MSRA: variants seen among roughly 807,000 people sequenced by gnomAD.
MSRA encodes mitochondrial peptide methionine sulfoxide reductase.
A neutral mutation model predicts 31.3 loss-of-function variants in MSRA; 54 were observed. The observed-to-expected ratio is 1.73, with a 90% CI of 1.39 to 2.17. The LOEUF (loss-of-function observed/expected upper bound fraction) is 2.17, where lower values mean the gene tolerates loss of function less well. Among genes scored for constraint, MSRA ranks in the 30% most tolerant of loss-of-function variants. The pLI, the probability that MSRA is intolerant of heterozygous loss-of-function variation, is 0.00. For synonymous variants in MSRA, 169 were observed against 116.5 expected (o/e 1.45, Z -2.90); for missense variants, 507 against 300.9 (o/e 1.69, Z -5.07).
At chr8:10,218,754 TAACAAGGG>T (rs1426998846) in intron 2 of MSRA, among the ~76,000 whole-genome samples, 1 of 152,250 alleles carries the variant, frequency 6.6e-6, no homozygotes, top group East Asian at 1.9e-4. Flanking sequence ...AAAAGCCATT[TAACAAGGG>T]ATAGAAACTG....
chr8:10,393,564 C>T (rs546472594), intron 5 of MSRA, among the ~76,000 whole-genome samples: 12 of 152,276 alleles, frequency 7.9e-5, no homozygotes, highest in East Asian at 7.7e-4. Flanking sequence ...TGCAGCTGGA[C>T]GGCTGCCTGG....
intron 1 of MSRA, among the ~76,000 whole-genome samples, chr8:10,180,140 T>A (rs1296564161): frequency 1.3e-5 from 2 of 152,200 alleles, no homozygotes; most frequent in Non-Finnish European, 2.9e-5. Context: ...CACCTGCACT[T>A]CTCTCTGACT....
In MSRA at chr8:10,177,679, G is replaced by A. The variant is rs185037885; in HGVS notation, c.143-30154G>A. ...AATTTAAGATCTTTTTGATCACAAA[G>A]TTCTCAGCTTACATCTGGTTATTTG... On this transcript the variant is annotated intron_variant, in intron 1 of 5. Coordinates refer to ENST00000317173, the MANE Select transcript of MSRA (RefSeq NM_012331.5). Among the ~76,000 whole-genome samples the A allele has an allele frequency of 7.4e-4, 113 of 152,292 alleles. No individual in the cohort carries two copies. The Middle Eastern group carries it at 0.02, about 28-fold the overall frequency.
intron 1 of MSRA, among the ~76,000 whole-genome samples, chr8:10,204,927 C>T (rs1348415421): frequency 6.6e-6 from 1 of 152,192 alleles, no homozygotes; most frequent in African/African-American, 2.4e-5. Flanking sequence ...TAGATGCAGT[C>T]CCTGTACAAA....
At chr8:10,268,459 G>T (rs1798859514) in intron 3 of MSRA, among the ~76,000 whole-genome samples, 1 of 152,182 alleles carries the variant, frequency 6.6e-6, no homozygotes, top group Non-Finnish European at 1.5e-5. Flanking sequence ...CGAGGTTAGG[G>T]TGGGGCATTC....
At chr8:10,256,366 C>G (rs1043036389) in intron 3 of MSRA, among the ~76,000 whole-genome samples, 1 of 152,222 alleles carries the variant, frequency 6.6e-6, no homozygotes, top group South Asian at 2.1e-4. Context: ...CTTGTCTATT[C>G]CCCTGCCGAA....
chr8:10,251,512 TC>T lies in MSRA; in HGVS notation c.331+6290del. Among the ~76,000 whole-genome samples, 6 of 152,368 alleles carry T rather than the reference TC, an allele frequency of 3.9e-5. 1 individual carries two copies. The Middle Eastern group carries it at 0.02, about 518-fold the overall frequency. Reference sequence around the variant, plus strand: ...TCAGTTCTTGCTACAAGCAATTTGATCGCTTTTTATTCCTCTTATTTTAGGC... The same window carrying T: ...TCAGTTCTTGCTACAAGCAATTTGATGCTTTTTATTCCTCTTATTTTAGGC... On this transcript the variant is annotated intron_variant, in intron 3 of 5. Coordinates refer to ENST00000317173, the MANE Select transcript of MSRA (RefSeq NM_012331.5).
At chr8:10,171,247 TTG>T (rs1805561049) in intron 1 of MSRA, among the ~76,000 whole-genome samples, 1 of 152,198 alleles carries the variant, frequency 6.6e-6, no homozygotes, top group Non-Finnish European at 1.5e-5. Context: ...TAGAAATACT[TTG>T]TCTTTCTCTT....
chr8:10,410,250 A>G (rs1288119255), intron 5 of MSRA, among the ~76,000 whole-genome samples: 6 of 152,132 alleles, frequency 3.9e-5, no homozygotes, highest in African/African-American at 7.2e-5. Flanking sequence ...TCTCGTATGG[A>G]AAGTCTGCCA....
At chr8:10,200,996 G>T (rs746099786) in intron 1 of MSRA, among the ~76,000 whole-genome samples, 2 of 152,136 alleles carry the variant, frequency 1.3e-5, no homozygotes, top group Non-Finnish European at 2.9e-5. Flanking sequence ...GGGCTTGTGG[G>T]CCACATAGGA....
At chr8:10,067,281 C>T (rs1303987085) in intron 1 of MSRA, among the ~76,000 whole-genome samples, 1 of 152,108 alleles carries the variant, frequency 6.6e-6, no homozygotes, top group Non-Finnish European at 1.5e-5. Context: ...TAGTATATAG[C>T]CTTTTCGGTT....
At chr8:10,159,602 A>G (rs1804465608) in intron 1 of MSRA, among the ~76,000 whole-genome samples, 1 of 152,250 alleles carries the variant, frequency 6.6e-6, no homozygotes, top group African/African-American at 2.4e-5. Context: ...AATTTGTTGC[A>G]GGATAACATC....
intron 5 of MSRA, among the ~76,000 whole-genome samples, chr8:10,399,404 C>G (rs1807302222): frequency 6.6e-6 from 1 of 152,210 alleles, no homozygotes; most frequent in South Asian, 2.1e-4. Flanking sequence ...CAGATCCCTC[C>G]TGAATGGCTT....
At chr8:10,103,142 T>C (rs1160657911) in intron 1 of MSRA, among the ~76,000 whole-genome samples, 1 of 152,226 alleles carries the variant, frequency 6.6e-6, no homozygotes, top group African/African-American at 2.4e-5. Context: ...GAGAATACGC[T>C]ACCTGGGTAA....
intron 1 of MSRA, among the ~76,000 whole-genome samples, chr8:10,157,182 T>G (rs916178214): frequency 1.3e-5 from 2 of 152,172 alleles, no homozygotes; most frequent in East Asian, 3.9e-4. Flanking sequence ...TTACATAGTT[T>G]CTAATGGGAT....
chr8:10,113,287 G>GTTTTTTTTTTTTT (rs1412167930), intron 1 of MSRA, among the ~76,000 whole-genome samples: 6 of 6,288 alleles, frequency 9.5e-4, no homozygotes, highest in Non-Finnish European at 1.1e-3. Context: ...GTGAAGACAG[G>GTTTTTTTTTTTTT]TCTTCTTTTT....
chr8:10,142,838 C>A (rs577218011), intron 1 of MSRA, among the ~76,000 whole-genome samples: 13 of 152,152 alleles, frequency 8.5e-5, no homozygotes, highest in South Asian at 2.1e-4. Context: ...TCACTTATTG[C>A]CTGGTTTTTG....
chr8:10,066,875 CT>C (rs35203671), intron 1 of MSRA, among the ~76,000 whole-genome samples: 3,021 of 141,570 alleles, frequency 0.021, 73 homozygotes, highest in African/African-American at 0.063. Flanking sequence ...TCTTAAATGA[CT>C]TTTTTTTTTT....
At chr8:10,390,406 C>T (rs1488041649) in intron 5 of MSRA, among the ~76,000 whole-genome samples, 1 of 152,228 alleles carries the variant, frequency 6.6e-6, no homozygotes, top group Non-Finnish European at 1.5e-5. Context: ...GACCTAGGCT[C>T]CATGTCTGCC....
Sources: allele counts gnomAD v4.1 joint callset (sites outside exome capture counted in the v4.1 genomes callset), GRCh38; gene constraint gnomAD v4.1.1; transcripts MANE v1.5; gene names NCBI Gene and HGNC (gene_info 2026-07-23, HGNC 2026-07-21).